Variants in CABIN1 observed in about 807,000 individuals in gnomAD.
The protein encoded by CABIN1 is calcineurin binding protein 1.
CABIN1 carries 133 observed loss-of-function variants against 227.7 expected under a neutral mutation model. The observed-to-expected ratio is 0.58, with a 90% confidence interval of 0.51 to 0.67. The LOEUF (loss-of-function observed/expected upper bound fraction) is 0.67. CABIN1 is among the 30% of genes least tolerant of loss of function. The probability of loss-of-function intolerance (pLI) is 0.00; values close to 1 mark genes in which losing one functional copy is unlikely to be tolerated. For missense variants in CABIN1, 2,408 were observed against 2,852.5 expected, an observed-to-expected ratio of 0.84 and a Z score of 3.55; for synonymous variants, 1,086 against 1,155.1, an observed-to-expected ratio of 0.94 and a Z score of 1.21.
chr22:24,113,498 G>A (rs1279537000), intron 26 of CABIN1, 68 bp from the exon 27 acceptor site: 9 of 1,437,670 alleles, frequency 6.3e-6, no homozygotes, highest in Non-Finnish European at 7.8e-6. Flanking sequence ...CTCACCATAG[G>A]AAGGCCCCCT....
chr22:24,083,205 G>T, intron 19 of CABIN1, 23 bp from the exon 20 acceptor site: 1 of 1,611,640 alleles, frequency 6.2e-7, no homozygotes, highest in Non-Finnish European at 8.5e-7. Flanking sequence ...CTCACCTCAG[G>T]CCATCTCTTC....
At chr22:24,102,786 C>T (rs2042283068) in intron 26 of CABIN1, among the ~76,000 whole-genome samples, 1 of 152,092 alleles carries the variant, frequency 6.6e-6, no homozygotes, top group Admixed American at 6.5e-5. Flanking sequence ...TACCTAGTCC[C>T]ACTGACAGCA....
At chr22:24,016,574 C>T (rs1315621449) in intron 1 of CABIN1, among the ~76,000 whole-genome samples, 3 of 152,202 alleles carry the variant, frequency 2.0e-5, no homozygotes, top group African/African-American at 4.8e-5. Context: ...CTTCCATTAT[C>T]TTGCAGTTAC....
chr22:24,119,100 C>T (rs2043248836), intron 27 of CABIN1, among the ~76,000 whole-genome samples: 1 of 152,224 alleles, frequency 6.6e-6, no homozygotes, highest in Non-Finnish European at 1.5e-5. Context: ...CAGAGCCCAG[C>T]CCATAACTTC....
At chr22:24,053,277 C>T (rs1316430301) in intron 8 of CABIN1, among the ~76,000 whole-genome samples, 3 of 151,770 alleles carry the variant, frequency 2.0e-5, no homozygotes, top group South Asian at 2.1e-4. Context: ...GGGGTTTCAC[C>T]GTGTTAGCCA....
chr22:24,084,986 CT>C lies in CABIN1; in HGVS notation c.3118-16del, dbSNP rs1268244307. On this transcript the variant is annotated intron_variant, in intron 21 of 36. Coordinates refer to ENST00000263119, the MANE Select transcript of CABIN1 (RefSeq NM_012295.4). ...GTCCTTGACTCCACCTCCCCTCATA[CT>C]TTTCCTCTCACCTGCCAGGTACCCT... is the stretch of plus-strand genomic sequence containing the variant. The C allele has an allele frequency of 1.9e-6, 3 of 1,614,228 alleles. No homozygotes were observed. Among genetic ancestry groups the C allele is most frequent in the Non-Finnish European group, 2.5e-6 (3 of 1,180,014 alleles).
intron 25 of CABIN1, among the ~76,000 whole-genome samples, chr22:24,097,505 A>G (rs540840665): frequency 1.3e-5 from 2 of 152,358 alleles, no homozygotes; most frequent in South Asian, 4.1e-4. Context: ...TACTTACTAT[A>G]CCATAGTATG....
intron 29 of CABIN1, among the ~76,000 whole-genome samples, chr22:24,146,557 G>A (rs2045132651): frequency 6.6e-6 from 1 of 152,218 alleles, no homozygotes; most frequent in Admixed American, 6.5e-5. Flanking sequence ...GAGGTCAGTA[G>A]GAGGAAGTAC....
rs2041068711 is a variant in CABIN1, at chr22:24,085,167, A to T, written c.3263+16A>T. On this transcript the variant is annotated intron_variant, in intron 22 of 36. Transcript: ENST00000263119. ...GCCCCAATAGGTCAGTGACCAGATCATGAGGCTAGGCTGGCTGCAGGGATG... is the reference window on the plus strand; with the variant it reads ...GCCCCAATAGGTCAGTGACCAGATCTTGAGGCTAGGCTGGCTGCAGGGATG... 6.2e-7 allele frequency: 1 copy of T among 1,614,010 alleles called. No homozygotes were observed. The highest frequency in any genetic ancestry group is 8.5e-7 in the Non-Finnish European group (1 of 1,179,992).
chr22:24,124,846 G>C (rs2043621261), intron 28 of CABIN1, among the ~76,000 whole-genome samples: 1 of 152,192 alleles, frequency 6.6e-6, no homozygotes, highest in African/African-American at 2.4e-5. Context: ...TCTGCTGCAA[G>C]GGGTTCAAGG....
intron 22 of CABIN1, among the ~76,000 whole-genome samples, chr22:24,085,383 T>C (rs1443462802): frequency 6.6e-6 from 1 of 152,168 alleles, no homozygotes; most frequent in Admixed American, 6.5e-5. Context: ...GGGAGGGTTA[T>C]TGGTAAAGGG....
intron 28 of CABIN1, among the ~76,000 whole-genome samples, chr22:24,128,727 C>G (rs2043884955): frequency 6.6e-6 from 1 of 152,242 alleles, no homozygotes; most frequent in Non-Finnish European, 1.5e-5. Flanking sequence ...TGCCCCCGTG[C>G]CAATGCCTGA....
intron 29 of CABIN1, among the ~76,000 whole-genome samples, chr22:24,163,322 A>T (rs1185088256): frequency 3.9e-5 from 6 of 152,104 alleles, no homozygotes; most frequent in Admixed American, 3.9e-4. Context: ...CAGGGCTGCT[A>T]GAGCAGGGTG....
chr22:24,158,657 T>G (rs8142261), intron 29 of CABIN1, among the ~76,000 whole-genome samples: 3,286 of 152,154 alleles, frequency 0.022, 145 homozygotes, highest in African/African-American at 0.074. Context: ...GGCCGACGCT[T>G]CTTCTCTGGC....
chr22:24,018,253 A>G (rs1189336681), intron 1 of CABIN1, among the ~76,000 whole-genome samples: 1 of 151,602 alleles, frequency 6.6e-6, no homozygotes, highest in East Asian at 1.9e-4. Context: ...TTAGCTTTTA[A>G]TTTTTTTTCT....
Position 24,060,008 on chromosome 22 carries a change from T to C in CABIN1, c.1484T>C (p.Met495Thr). Residue 495 changes from methionine (M) to threonine (T), a missense_variant, in exon 12 of 37, where the codon ATG becomes ACG. Physicochemically the swap from Met to Thr is moderately conservative, Grantham distance 81. This residue lies in a region of CABIN1 where 1,045 missense variants were observed against 1,168.4 expected (regional missense o/e 0.89). Transcript: ENST00000263119. ...LELMMRYLKA[M>T]GHKFLVRWPP... ...CTGATGATGCGCTACCTGAAAGCCATGGGCCACAAGTTCTTGGTAAGGTGG... is the reference window on the plus strand; with the variant it reads ...CTGATGATGCGCTACCTGAAAGCCACGGGCCACAAGTTCTTGGTAAGGTGG... The C allele has an allele frequency of 6.2e-7, 1 of 1,614,180 alleles. No homozygotes were observed. Among genetic ancestry groups the C allele is most frequent in the Admixed American group, 1.7e-5 (1 of 60,026 alleles).
intron 27 of CABIN1, among the ~76,000 whole-genome samples, chr22:24,118,912 G>A (rs1030488720): frequency 1.2e-4 from 18 of 152,212 alleles, no homozygotes; most frequent in African/African-American, 4.1e-4. Context: ...CCCTGGAGAG[G>A]GAGTTGGGGC....
At chr22:24,165,776 C>T in intron 31 of CABIN1, 150 bp downstream of exon 31, 1 of 684,592 alleles carries the variant, frequency 1.5e-6, no homozygotes, top group South Asian at 1.6e-5. Flanking sequence ...ATCCTGTCTT[C>T]CTAGGCAGGG....
intron 1 of CABIN1, among the ~76,000 whole-genome samples, chr22:24,015,494 A>G (rs1235172778): frequency 6.7e-6 from 1 of 149,418 alleles, no homozygotes; most frequent in Non-Finnish European, 1.5e-5. Flanking sequence ...ACAGGCGCCC[A>G]CCACCGCGCC....
Sources: gnomAD v4.1 joint callset for allele counts (sites outside exome capture counted in the v4.1 genomes callset) on GRCh38, gnomAD v4.1.1 for gene constraint, gnomAD v4.1.1 regional missense constraint, MANE v1.5 for transcripts, NCBI Gene and HGNC (gene_info 2026-07-23, HGNC 2026-07-21) for gene names.